The following SMAD2 variants were observed in gnomAD, a reference collection of about 807,000 sequenced individuals.
SMAD2 encodes the protein SMAD family member 2.
In SMAD2, 8 loss-of-function variants were observed where a neutral mutation model predicts 64.4. That is an observed-to-expected ratio of 0.12 (90% CI 0.07 to 0.22). The LOEUF (loss-of-function observed/expected upper bound fraction) is 0.22, where lower values mean the gene tolerates loss of function less well. Ranked by LOEUF, SMAD2 falls within the 10% of genes least tolerant of loss-of-function variation. SMAD2 has a pLI of 1.00. For missense variants in SMAD2, 289 were observed against 561.2 expected (o/e 0.51, Z 4.90); for synonymous variants, 203 against 195.8 (o/e 1.04, Z -0.31).
chr18:47,865,200 C>A lies in SMAD2; in HGVS notation c.656-67G>T, dbSNP rs1425635912. The A allele has an allele frequency of 9.7e-6, 8 of 822,640 alleles. No homozygotes were observed. In the East Asian group the frequency reaches 2.0e-4, roughly 20 times the overall value. The allele number at this position is 822,640 out of a possible 1,614,324, so 51.0% of individuals were successfully genotyped here. On this transcript the variant is annotated intron_variant, in intron 5 of 10. Transcript: ENST00000262160. ...TCTCACTACCTTTTCTCTCAGCTACCAGAGATAACCAATGAATCACTCCAA... is the reference window on the plus strand; with the variant it reads ...TCTCACTACCTTTTCTCTCAGCTACAAGAGATAACCAATGAATCACTCCAA...
At chr18:47,928,605 GCA>G (rs1465890220) in intron 1 of SMAD2, among the ~76,000 whole-genome samples, 5 of 151,562 alleles carry the variant, frequency 3.3e-5, no homozygotes, top group South Asian at 2.1e-4. Context: ...AAATTACCCT[GCA>G]CAGTTTCTTA....
chr18:47,844,978 T>C (rs529532503), intron 10 of SMAD2: 26 of 466,258 alleles, frequency 5.6e-5, no homozygotes, highest in South Asian at 1.7e-4. Context: ...TTTATGACTA[T>C]TGAAATCCAA....
intron 7 of SMAD2, 90 bp from the exon 8 acceptor site, chr18:47,848,777 T>C: frequency 1.1e-6 from 1 of 927,298 alleles, no homozygotes; most frequent in Non-Finnish European, 1.7e-6. Flanking sequence ...CATCTTTACA[T>C]GCTCTATGCC....
Position 47,851,267 on chromosome 18 carries a change from A to T in SMAD2, c.784+7T>A, listed in dbSNP as rs1429670443. On this transcript the variant is annotated splice_region_variant and intron_variant, in intron 7 of 10. Transcript: ENST00000262160. ...AAAATGATGAGGGGAACATATGTGC[A>T]ACTTACCCAAGCTATGATTAACAGG... 9 of 1,596,296 alleles carry T rather than the reference A, an allele frequency of 5.6e-6. No individual in the cohort carries two copies. In the Admixed American group the frequency reaches 1.5e-4, roughly 27 times the overall value.
In SMAD2 at chr18:47,879,068, G is replaced by C. The variant is rs976074439; in HGVS notation, c.237-8504C>G. ...GAGCCCAGTAGGTGGAGGCTGCAGTGAGACTGCACCACTGCACTCACTCCA... is the reference window on the plus strand; with the variant it reads ...GAGCCCAGTAGGTGGAGGCTGCAGTCAGACTGCACCACTGCACTCACTCCA... On this transcript the variant is annotated intron_variant, in intron 2 of 10. Transcript: ENST00000262160. Among the ~76,000 whole-genome samples, 7 of 152,302 alleles carry C rather than the reference G, an allele frequency of 4.6e-5. No individual in the cohort carries two copies. In the East Asian group the frequency reaches 9.7e-4, roughly 21 times the overall value.
At position 47,812,877 on chromosome 18, in the gene SMAD2, T is replaced by C. The variant is rs1912248738; in HGVS notation, c.*28950A>G. 2 of 152,098 alleles carry C rather than the reference T, an allele frequency of 1.3e-5. No homozygotes were observed. Among genetic ancestry groups the C allele is most frequent in the Non-Finnish European group, 1.5e-5 (1 of 68,084 alleles). The allele number at this position is 152,098 out of a possible 1,614,324, so 9.4% of individuals were successfully genotyped here. Reference sequence around the variant, plus strand: ...TTCTTGTAGGAAGCAGGGGTAACTTTCAATAGGGGTGGTTAAGGAAGACTC... The same window carrying C: ...TTCTTGTAGGAAGCAGGGGTAACTTCCAATAGGGGTGGTTAAGGAAGACTC... On this transcript the variant is annotated 3_prime_UTR_variant, in exon 11 of 11. Coordinates refer to ENST00000262160, the MANE Select transcript of SMAD2 (RefSeq NM_005901.6).
intron 6 of SMAD2, among the ~76,000 whole-genome samples, chr18:47,861,019 G>C (rs1340733572): frequency 2.6e-5 from 4 of 151,938 alleles, no homozygotes; most frequent in African/African-American, 9.7e-5. Context: ...GTAGGTCTTA[G>C]TTAGGACAGA....
At position 47,864,989 on chromosome 18, in the gene SMAD2, T is replaced by C. The variant is rs73441797; in HGVS notation, c.730+70A>G. On this transcript the variant is annotated intron_variant, in intron 6 of 10. Coordinates refer to ENST00000262160, the MANE Select transcript of SMAD2 (RefSeq NM_005901.6). The stretch of plus-strand genomic sequence containing the variant: ...TCTCTAAATTTAAGAGTAACATCTT[T>C]TGTGAATTTCAAACAATACAAGAAA... 9.4e-4 allele frequency: 840 copies of C among 896,576 alleles called. 5 individuals carry two copies. The African/African-American group carries it at 0.013, about 13-fold the overall frequency. 55.5% of individuals were successfully genotyped at this position (896,576 alleles called of 1,614,324 possible).
intron 5 of SMAD2, chr18:47,866,977 G>T (rs1211353654): frequency 6.6e-6 from 1 of 152,156 alleles, no homozygotes; most frequent in African/African-American, 2.4e-5. Context: ...CCCTAAGACT[G>T]CATGTTTATA....
intron 2 of SMAD2, chr18:47,895,582 A>G (rs755137552): frequency 5.9e-5 from 9 of 152,258 alleles, no homozygotes; most frequent in Non-Finnish European, 1.2e-4. Context: ...AAGCATTTGT[A>G]AAACAAATCA....
chr18:47,846,750 C>T (rs991979446), intron 8 of SMAD2, among the ~76,000 whole-genome samples: 2 of 152,102 alleles, frequency 1.3e-5, no homozygotes, highest in Non-Finnish European at 1.5e-5. Context: ...GCTGATACCT[C>T]AATTTTGGCC....
intron 2 of SMAD2, chr18:47,895,483 C>T (rs1311709366): frequency 1.3e-5 from 2 of 152,122 alleles, no homozygotes; most frequent in African/African-American, 4.8e-5. Flanking sequence ...TATTTCTATC[C>T]CTTAGGAAGG....
chr18:47,881,593 G>T (rs2032592446), intron 2 of SMAD2, among the ~76,000 whole-genome samples: 1 of 152,108 alleles, frequency 6.6e-6, no homozygotes, highest in Non-Finnish European at 1.5e-5. Context: ...TTGTTTTCCT[G>T]ACTCATTGCG....
chr18:47,853,910 A>G lies in SMAD2; in HGVS notation c.731-2583T>C, dbSNP rs367961585. ...ACAAAGCCACTATTAGAAATGGAGG[A>G]AACTGCCCAACTATTCATATCTTTT... On this transcript the variant is annotated intron_variant, in intron 6 of 10. Coordinates refer to ENST00000262160, the MANE Select transcript of SMAD2 (RefSeq NM_005901.6). Among the ~76,000 whole-genome samples the G allele has an allele frequency of 2.0e-5, 3 of 152,178 alleles. No homozygotes were observed. In the East Asian group the frequency reaches 5.8e-4, roughly 29 times the overall value.
Position 47,841,923 on chromosome 18 carries a change from G to A in SMAD2, c.1308C>T (p.Cys436=), listed in dbSNP as rs765343552. The part of the protein sequence containing the change: ...YRRQTVTSTP[C]WIELHLNGPL... ...GTCCATTCAGATGAAGTTCAATCCA[G>A]CAAGGAGTACTTGTTACCGTCTGCC... Residue 436 remains cysteine, a synonymous_variant, in exon 11 of 11, where the codon TGC becomes TGT. Coordinates refer to ENST00000262160, the MANE Select transcript of SMAD2 (RefSeq NM_005901.6). 14 of 1,613,926 alleles carry A rather than the reference G, an allele frequency of 8.7e-6. No homozygotes were observed. In the African/African-American group the frequency reaches 1.9e-4, roughly 22 times the overall value.
rs891106460 is a variant in SMAD2, at chr18:47,897,372, G to T, written c.-53-563C>A. ...AGTCCGGTTTCACCTGCTCTTGAGA[G>T]AAATTTTTTAACACATGTTTTTTTC... On this transcript the variant is annotated intron_variant, in intron 1 of 10. Transcript: ENST00000262160. Among the ~76,000 whole-genome samples the T allele has an allele frequency of 2.0e-4, 13 of 64,444 alleles. No homozygotes were observed. In the East Asian group the frequency reaches 8.3e-3, roughly 41 times the overall value. 42.3% of individuals were successfully genotyped at this position (64,444 alleles called of 152,430 possible). A position where few individuals can be genotyped will look rare whatever the true frequency, so the allele number is the denominator to read the frequency against.
chr18:47,909,376 G>A (rs2034030422), intron 1 of SMAD2, among the ~76,000 whole-genome samples: 1 of 152,190 alleles, frequency 6.6e-6, no homozygotes, highest in Non-Finnish European at 1.5e-5. Flanking sequence ...AAGATAACAG[G>A]AAAGGAGCTT....
rs986833144 is a variant in SMAD2 at position 47,821,715 on chromosome 18, TA to T, written c.*20111del. 3 of 152,304 alleles carry T rather than the reference TA, an allele frequency of 2.0e-5. No homozygotes were observed. The highest frequency in any genetic ancestry group is 7.2e-5 in the African/African-American group (3 of 41,588). 9.4% of individuals were successfully genotyped at this position (152,304 alleles called of 1,614,324 possible). A position where few individuals can be genotyped will look rare whatever the true frequency, so the allele number is the denominator to read the frequency against. On this transcript the variant is annotated 3_prime_UTR_variant, in exon 11 of 11. Coordinates refer to ENST00000262160, the MANE Select transcript of SMAD2 (RefSeq NM_005901.6). Reference sequence around the variant, plus strand: ...TTCTTTACCATTTTGGCAACTGGCCTAAGAAAAATTTTATGTTCTATCAAGA... The same window carrying T: ...TTCTTTACCATTTTGGCAACTGGCCTAGAAAAATTTTATGTTCTATCAAGA...
intron 1 of SMAD2, among the ~76,000 whole-genome samples, chr18:47,921,398 G>C (rs1361219685): frequency 6.6e-6 from 1 of 152,168 alleles, no homozygotes; most frequent in African/African-American, 2.4e-5. Flanking sequence ...GTATGGCAAA[G>C]AACAGACCAG....
Sources: gnomAD v4.1 joint callset for allele counts (sites outside exome capture counted in the v4.1 genomes callset) on GRCh38, gnomAD v4.1.1 for gene constraint, MANE v1.5 for transcripts, NCBI Gene and HGNC (gene_info 2026-07-23, HGNC 2026-07-21) for gene names.